Variants in RPS6KA5 observed in about 807,000 individuals in gnomAD.
The protein encoded by RPS6KA5 is ribosomal protein S6 kinase A5, also known as ribosomal protein S6 kinase alpha-5.
RPS6KA5 carries 27 observed loss-of-function variants against 85.5 expected under a neutral mutation model. The ratio of observed to expected loss-of-function variants is 0.32; its 90% CI spans 0.23 to 0.44. The LOEUF (loss-of-function observed/expected upper bound fraction) is 0.44. RPS6KA5 is among the 20% of genes least tolerant of loss of function. RPS6KA5 has a pLI of 1.00. For synonymous variants in RPS6KA5, 334 were observed against 348.2 expected (o/e 0.96, Z 0.46); for missense variants, 811 against 980.9 (o/e 0.83, Z 2.31).
intron 14 of RPS6KA5, among the ~76,000 whole-genome samples, chr14:90,883,814 GT>G (rs1376360681): frequency 6.6e-6 from 1 of 152,044 alleles, no homozygotes; most frequent in African/African-American, 2.4e-5. Context: ...ATTGCTTTTC[GT>G]TTTTTGATTG....
chr14:90,921,678 A>C (rs1271461007), intron 6 of RPS6KA5, among the ~76,000 whole-genome samples: 3 of 152,236 alleles, frequency 2.0e-5, no homozygotes, highest in African/African-American at 7.2e-5. Flanking sequence ...AGAGATCAAT[A>C]ATCAGATTCT....
At chr14:91,027,726 A>C (rs1206228979) in intron 1 of RPS6KA5, among the ~76,000 whole-genome samples, 1 of 152,220 alleles carries the variant, frequency 6.6e-6, no homozygotes, top group Non-Finnish European at 1.5e-5. Flanking sequence ...TTTAAAGAGA[A>C]GCTGACATCT....
chr14:91,010,437 G>A (rs2041210967), intron 1 of RPS6KA5, among the ~76,000 whole-genome samples: 1 of 152,118 alleles, frequency 6.6e-6, no homozygotes, highest in African/African-American at 2.4e-5. Flanking sequence ...ATTTCATAGA[G>A]CCATAATATC....
intron 1 of RPS6KA5, among the ~76,000 whole-genome samples, chr14:91,025,989 C>G (rs1303067358): frequency 1.4e-5 from 2 of 147,630 alleles, no homozygotes; most frequent in Non-Finnish European, 2.9e-5. Context: ...CCTTTTCCCT[C>G]TTCTTTCTCT....
intron 1 of RPS6KA5, among the ~76,000 whole-genome samples, chr14:91,002,235 T>G (rs916175052): frequency 1.3e-5 from 2 of 152,128 alleles, no homozygotes; most frequent in South Asian, 4.1e-4. Flanking sequence ...TGATTTACTT[T>G]GAAATGCATT....
intron 5 of RPS6KA5, among the ~76,000 whole-genome samples, chr14:90,939,668 T>C (rs1211752929): frequency 6.6e-6 from 1 of 152,156 alleles, no homozygotes; most frequent in Non-Finnish European, 1.5e-5. Flanking sequence ...TTTAAAACCA[T>C]TAGGTCTCGT....
At chr14:91,013,875 G>C (rs1415926479) in intron 1 of RPS6KA5, among the ~76,000 whole-genome samples, 2 of 152,218 alleles carry the variant, frequency 1.3e-5, no homozygotes, top group Non-Finnish European at 2.9e-5. Context: ...TGAAGGTAGG[G>C]AAAGGGAGGA....
chr14:91,051,104 T>C (rs2043060694), intron 1 of RPS6KA5, among the ~76,000 whole-genome samples: 1 of 151,792 alleles, frequency 6.6e-6, no homozygotes, highest in Non-Finnish European at 1.5e-5. Context: ...CGGTGTGTGG[T>C]GGCACACACT....
In RPS6KA5 at chr14:90,873,312, T is replaced by C. The variant is rs1014069533; in HGVS notation, c.2160+320A>G. Among the ~76,000 whole-genome samples, 121 of 152,240 alleles carry C rather than the reference T, an allele frequency of 7.9e-4. 8 individuals are homozygous for C. On this transcript the variant is annotated intron_variant, in intron 16 of 16. Coordinates refer to ENST00000614987, the MANE Select transcript of RPS6KA5 (RefSeq NM_004755.4). ...GAATGGACTTTCAAATATGCCTTAG[T>C]TCCTAATGTTTATTATGGTTTTTAA...
intron 1 of RPS6KA5, among the ~76,000 whole-genome samples, chr14:91,023,562 G>C (rs1002222625): frequency 1.3e-5 from 2 of 151,998 alleles, no homozygotes; most frequent in African/African-American, 4.8e-5. Flanking sequence ...TGGGATTACC[G>C]GCATGAGCCA....
intron 3 of RPS6KA5, among the ~76,000 whole-genome samples, chr14:90,959,617 G>C (rs1204370654): frequency 6.6e-6 from 1 of 152,154 alleles, no homozygotes; most frequent in East Asian, 1.9e-4. Context: ...AGAATGAAGA[G>C]TGCCTGACTA....
At chr14:91,034,930 A>C (rs1014895262) in intron 1 of RPS6KA5, among the ~76,000 whole-genome samples, 1 of 152,162 alleles carries the variant, frequency 6.6e-6, no homozygotes, top group African/African-American at 2.4e-5. Context: ...AAAAAGAAAA[A>C]AAAAACAGTT....
intron 7 of RPS6KA5, among the ~76,000 whole-genome samples, chr14:90,909,629 A>G (rs115410050): frequency 8.1e-4 from 123 of 152,322 alleles, no homozygotes; most frequent in African/African-American, 2.8e-3. Context: ...AAGTAAGAAA[A>G]TTCTAAGAAA....
intron 1 of RPS6KA5, among the ~76,000 whole-genome samples, chr14:91,011,706 C>T (rs745508683): frequency 5.3e-5 from 8 of 152,062 alleles, no homozygotes; most frequent in Non-Finnish European, 7.4e-5. Flanking sequence ...TGAGTCCTTC[C>T]GTCCTTTGCT....
chr14:91,029,623 C>T (rs1317955166), intron 1 of RPS6KA5, among the ~76,000 whole-genome samples: 1 of 152,266 alleles, frequency 6.6e-6, no homozygotes, highest in Non-Finnish European at 1.5e-5. Flanking sequence ...TCTGTACCCT[C>T]ATCTGTAAAA....
chr14:91,052,456 C>T (rs1314212808), intron 1 of RPS6KA5: 1 of 177,558 alleles, frequency 5.6e-6, no homozygotes, highest in Non-Finnish European at 1.1e-5. Flanking sequence ...ACAGAGTAGA[C>T]TCGTCTCTTA....
intron 3 of RPS6KA5, among the ~76,000 whole-genome samples, chr14:90,957,746 G>A (rs749101968): frequency 6.6e-5 from 10 of 152,062 alleles, no homozygotes; most frequent in Non-Finnish European, 8.8e-5. Flanking sequence ...GTCCACATAC[G>A]ACAGAGTTAA....
intron 3 of RPS6KA5, among the ~76,000 whole-genome samples, chr14:90,976,202 G>GAAAAAAA (rs5810526): frequency 2.8e-5 from 3 of 109,020 alleles, no homozygotes; most frequent in African/African-American, 3.3e-5. Flanking sequence ...TAAGAGAACA[G>GAAAAAAA]AAAAAAAAAA....
chr14:90,897,860 A>G (rs145671083), intron 12 of RPS6KA5, among the ~76,000 whole-genome samples: 206 of 152,258 alleles, frequency 1.4e-3, no homozygotes, highest in African/African-American at 4.7e-3. Flanking sequence ...AATTTCCTCT[A>G]TATCATCTTC....
Sources: allele counts gnomAD v4.1 joint callset (sites outside exome capture counted in the v4.1 genomes callset), GRCh38; gene constraint gnomAD v4.1.1; transcripts MANE v1.5; gene names NCBI Gene and HGNC (gene_info 2026-07-23, HGNC 2026-07-21).